AKT2: variants seen among roughly 807,000 people sequenced by gnomAD.
AKT2 encodes AKT serine/threonine kinase 2.
A neutral mutation model predicts 58.6 loss-of-function variants in AKT2; 16 were observed. That is an observed-to-expected ratio of 0.27 (90% CI 0.18 to 0.41). The LOEUF is 0.41. Among genes scored for constraint, AKT2 ranks in the 10% least tolerant of loss-of-function variants. The pLI is 1.00. For missense variants in AKT2, 438 were observed against 661.0 expected (o/e 0.66, Z 3.70); for synonymous variants, 253 against 254.0 (o/e 1.00, Z 0.04).
chr19:40,253,581 T>C (rs1438574053), intron 4 of AKT2, among the ~76,000 whole-genome samples: 42 of 152,064 alleles, frequency 2.8e-4, no homozygotes, highest in Admixed American at 2.7e-3. Flanking sequence ...CTCAGACTGG[T>C]ACAAATCCAA....
intron 4 of AKT2, among the ~76,000 whole-genome samples, chr19:40,246,884 G>A (rs1974785129): frequency 6.6e-6 from 1 of 152,194 alleles, no homozygotes; most frequent in Non-Finnish European, 1.5e-5. Flanking sequence ...CCAGGGCCTG[G>A]GCCTGGGGCT....
rs148535367 is a variant in AKT2, at chr19:40,262,363, AGC to A, written c.46+2857_46+2858del. Among the ~76,000 whole-genome samples, 7 of 152,294 alleles carry A rather than the reference AGC, an allele frequency of 4.6e-5. No individual in the cohort carries two copies. In the East Asian group the frequency reaches 1.4e-3, roughly 29 times the overall value. ...TCCTATTAGTTTGCCCAACCTTCCC[AGC>A]TGTTACCTGGGAGAGCCAGAATTGG... On this transcript the variant is annotated intron_variant, in intron 2 of 13. Transcript: ENST00000392038.
In AKT2 at chr19:40,233,852, C is replaced by T. The variant is rs571914842; in HGVS notation, c.*20G>A. The T allele has an allele frequency of 6.2e-7, 1 of 1,608,552 alleles. No individual in the cohort carries two copies. Among genetic ancestry groups the T allele is most frequent in the Non-Finnish European group, 8.5e-7 (1 of 1,179,398 alleles). ...AGCGGTGATGGCAGCGAGCGTGCGTCCTCTGCGTGGGCAGACTGCTCACTC... is the reference window on the plus strand; with the variant it reads ...AGCGGTGATGGCAGCGAGCGTGCGTTCTCTGCGTGGGCAGACTGCTCACTC... On this transcript the variant is annotated 3_prime_UTR_variant, in exon 14 of 14. Coordinates refer to ENST00000392038, the MANE Select transcript of AKT2 (RefSeq NM_001626.6). The surrounding 1 kb of genome is among the most constrained non-coding windows in gnomAD (Gnocchi z 4.3).
rs1048540288 is a variant in AKT2, at chr19:40,231,336, G to A, written c.*2536C>T. The A allele has an allele frequency of 4.3e-6, 1 of 232,844 alleles. No homozygotes were observed. Among genetic ancestry groups the A allele is most frequent in the Non-Finnish European group, 8.5e-6 (1 of 117,798 alleles). The allele number at this position is 232,844 out of a possible 1,614,324, so 14.4% of individuals were successfully genotyped here. A position where few individuals can be genotyped will look rare whatever the true frequency, so the allele number is the denominator to read the frequency against. On this transcript the variant is annotated 3_prime_UTR_variant, in exon 14 of 14. Transcript: ENST00000392038. ...ACGTGGGTCAACTCGGGGCTGGGACGAGATGGAAGAGTAAAAGGCCTTTCT... is the reference window on the plus strand; with the variant it reads ...ACGTGGGTCAACTCGGGGCTGGGACAAGATGGAAGAGTAAAAGGCCTTTCT...
At chr19:40,245,162 A>C (rs1476078297) in intron 4 of AKT2, among the ~76,000 whole-genome samples, 1 of 152,192 alleles carries the variant, frequency 6.6e-6, no homozygotes, top group Non-Finnish European at 1.5e-5. Flanking sequence ...GCATCTGTGC[A>C]ATGAGACATT....
At chr19:40,276,581 G>A (rs2077329980) in intron 1 of AKT2, among the ~76,000 whole-genome samples, 1 of 151,622 alleles carries the variant, frequency 6.6e-6, no homozygotes, top group South Asian at 2.1e-4. Context: ...GGCCAGGCTG[G>A]TACTGAACTC....
At chr19:40,276,554 C>A (rs2077329593) in intron 1 of AKT2, among the ~76,000 whole-genome samples, 1 of 151,644 alleles carries the variant, frequency 6.6e-6, no homozygotes, top group East Asian at 2.0e-4. Context: ...TTAGTACAGA[C>A]AGGGTTTCAC....
chr19:40,233,769 G>T lies in AKT2; in HGVS notation c.*103C>A, dbSNP rs556207305. ...AGAACTGGAAAGGGGGTGAGGAGGT[G>T]GGGGTGGGGACACAAACCAAAAAGG... On this transcript the variant is annotated 3_prime_UTR_variant, in exon 14 of 14. Coordinates refer to ENST00000392038, the MANE Select transcript of AKT2 (RefSeq NM_001626.6). The surrounding 1 kb of genome is among the most constrained non-coding windows in gnomAD (Gnocchi z 4.3). 8.9e-7 allele frequency: 1 copy of T among 1,122,486 alleles called. No individual in the cohort carries two copies. 69.5% of individuals were successfully genotyped at this position (1,122,486 alleles called of 1,614,324 possible).
At chr19:40,271,614 G>A (rs8101841) in intron 1 of AKT2, among the ~76,000 whole-genome samples, 54 of 152,164 alleles carry the variant, frequency 3.5e-4, no homozygotes, top group African/African-American at 1.3e-3. Context: ...AGAACATTCT[G>A]GTAAAACTCA....
chr19:40,242,808 G>A lies in AKT2; in HGVS notation c.288-121C>T. The A allele has an allele frequency of 8.7e-7, 1 of 1,148,590 alleles. No individual in the cohort carries two copies. The highest frequency in any genetic ancestry group is 1.3e-6 in the Non-Finnish European group (1 of 796,760). 71.1% of individuals were successfully genotyped at this position (1,148,590 alleles called of 1,614,324 possible). On this transcript the variant is annotated intron_variant, in intron 4 of 13. Transcript: ENST00000392038. The surrounding 1 kb of genome is among the most constrained non-coding windows in gnomAD (Gnocchi z 4.3). Reference sequence around the variant, plus strand: ...CAAGCAAATGACCACATAACCATGGGAATTTGGGCAAGATCTGTCAGAACC... The same window carrying A: ...CAAGCAAATGACCACATAACCATGGAAATTTGGGCAAGATCTGTCAGAACC...
Position 40,245,820 on chromosome 19 carries a change from T to C in AKT2, c.288-3133A>G, listed in dbSNP as rs537674656. Among the ~76,000 whole-genome samples, 18 of 152,250 alleles carry C rather than the reference T, an allele frequency of 1.2e-4. No homozygotes were observed. In the East Asian group the frequency reaches 2.7e-3, roughly 23 times the overall value. The stretch of plus-strand genomic sequence containing the variant: ...AACACAGTTCTGCCCCCAGAACTCA[T>C]GGTGGATACTCAGTAGATACTTGGG... On this transcript the variant is annotated intron_variant, in intron 4 of 13. Transcript: ENST00000392038.
intron 1 of AKT2, chr19:40,282,272 C>G (rs1422185385): frequency 3.0e-6 from 1 of 337,136 alleles, no homozygotes; most frequent in Non-Finnish European, 5.9e-6. Context: ...TTAATCCTCA[C>G]AACAGCCCAA....
intron 4 of AKT2, chr19:40,244,084 A>AATG (rs1166380886): frequency 6.7e-6 from 1 of 148,264 alleles, no homozygotes; most frequent in Non-Finnish European, 1.5e-5. Flanking sequence ...TAATAATAAT[A>AATG]ATAATAATAA....
At chr19:40,251,238 T>A (rs1975135727) in intron 4 of AKT2, among the ~76,000 whole-genome samples, 4 of 152,214 alleles carry the variant, frequency 2.6e-5, no homozygotes, top group African/African-American at 7.2e-5. Flanking sequence ...AAATTTTAAT[T>A]AAAATTTTAA....
chr19:40,234,987 G>T lies in AKT2; in HGVS notation c.1366+58C>A. The stretch of plus-strand genomic sequence containing the variant: ...CTCCTTGAGAAGTGAGTTAAGAGCA[G>T]ATCCCATCCCTCCACCCCTGGGGCA... On this transcript the variant is annotated intron_variant, in intron 13 of 13. Transcript: ENST00000392038. This position sits in a 1 kb window ranked among gnomAD's most constrained non-coding sequence, Gnocchi z 4.7. The T allele has an allele frequency of 6.8e-7, 1 of 1,460,752 alleles. No homozygotes were observed. Among genetic ancestry groups the T allele is most frequent in the Non-Finnish European group, 9.6e-7 (1 of 1,041,544 alleles). 90.5% of individuals were successfully genotyped at this position (1,460,752 alleles called of 1,614,324 possible).
chr19:40,283,059 T>C (rs990714147), intron 1 of AKT2: 2 of 154,880 alleles, frequency 1.3e-5, no homozygotes, highest in East Asian at 1.9e-4. Flanking sequence ...AGGTATGTTT[T>C]GAGACTTAAG....
intron 4 of AKT2, among the ~76,000 whole-genome samples, chr19:40,254,877 ATCTCCAGGTAGTC>A (rs1975424388): frequency 6.6e-6 from 1 of 151,588 alleles, no homozygotes; most frequent in Admixed American, 6.6e-5. Context: ...CCCTGGGCAG[ATCTCCAGGTAGTC>A]ACAGGTCTTG....
At chr19:40,262,337 G>A (rs985727994) in intron 2 of AKT2, among the ~76,000 whole-genome samples, 2 of 152,098 alleles carry the variant, frequency 1.3e-5, no homozygotes, top group African/African-American at 4.8e-5. Context: ...TCACAGAGAG[G>A]TCCTATTAGT....
intron 1 of AKT2, 38 bp downstream of exon 1, chr19:40,285,143 T>G (rs1001541809): frequency 2.6e-6 from 1 of 390,118 alleles, no homozygotes; most frequent in African/African-American, 2.1e-5. Context: ...GCGACCATCG[T>G]GGGGGGGGCG....
Sources: allele counts gnomAD v4.1 joint callset (sites outside exome capture counted in the v4.1 genomes callset), GRCh38; gene constraint gnomAD v4.1.1; non-coding constraint Gnocchi (gnomAD v3.1); transcripts MANE v1.5; gene names NCBI Gene and HGNC (gene_info 2026-07-23, HGNC 2026-07-21).